NTRK3: variants seen among roughly 807,000 people sequenced by gnomAD.
NTRK3 encodes neurotrophic receptor tyrosine kinase 3, also known as NT-3 growth factor receptor.
NTRK3 carries 24 observed loss-of-function variants against 91.7 expected under a neutral mutation model. The ratio of observed to expected loss-of-function variants is 0.26; its 90% CI spans 0.19 to 0.37. The LOEUF (loss-of-function observed/expected upper bound fraction) is 0.37, where lower values mean the gene tolerates loss of function less well. NTRK3 is among the 10% of genes least tolerant of loss of function. The pLI is 1.00. For synonymous variants in NTRK3, 483 were observed against 404.0 expected, an observed-to-expected ratio of 1.20 and a Z score of -2.34; for missense variants, 880 against 1,068.9, an observed-to-expected ratio of 0.82 and a Z score of 2.46.
chr15:88,126,661 G>A (rs576349298), intron 12 of NTRK3, among the ~76,000 whole-genome samples: 10 of 152,268 alleles, frequency 6.6e-5, no homozygotes, highest in African/African-American at 2.4e-4. Context: ...GCCTAGAGAG[G>A]CGTCTGATTT....
At chr15:87,902,329 G>A (rs921317173) in intron 17 of NTRK3, among the ~76,000 whole-genome samples, 6 of 152,234 alleles carry the variant, frequency 3.9e-5, no homozygotes, top group African/African-American at 1.4e-4. Context: ...TGATGGCAAG[G>A]CCTCCCTGAC....
chr15:87,929,940 C>T (rs942714526), intron 16 of NTRK3, among the ~76,000 whole-genome samples: 1 of 152,180 alleles, frequency 6.6e-6, no homozygotes, highest in African/African-American at 2.4e-5. Context: ...GGATCTGAAA[C>T]CAGACATGTG....
intron 14 of NTRK3, among the ~76,000 whole-genome samples, chr15:87,964,177 T>C (rs2072573361): frequency 6.6e-6 from 1 of 152,114 alleles, no homozygotes; most frequent in African/African-American, 2.4e-5. Context: ...TTGGCTTAGA[T>C]ATAATTCATA....
At chr15:88,109,946 C>T (rs1276486902) in intron 13 of NTRK3, among the ~76,000 whole-genome samples, 1 of 152,172 alleles carries the variant, frequency 6.6e-6, no homozygotes, top group East Asian at 1.9e-4. Flanking sequence ...GGGGACTAAG[C>T]TAATTGCTTT....
intron 14 of NTRK3, among the ~76,000 whole-genome samples, chr15:88,017,982 G>A (rs986202401): frequency 6.6e-6 from 1 of 152,172 alleles, no homozygotes; most frequent in East Asian, 1.9e-4. Flanking sequence ...TAGGTCTGGG[G>A]ACAGAAGCTT....
chr15:88,088,818 T>C (rs894865572), intron 13 of NTRK3, among the ~76,000 whole-genome samples: 5 of 152,146 alleles, frequency 3.3e-5, no homozygotes, highest in African/African-American at 4.8e-5. Context: ...ATGAAGGTAT[T>C]ACACAGGGCT....
intron 5 of NTRK3, among the ~76,000 whole-genome samples, chr15:88,178,113 A>G (rs2046159592): frequency 6.6e-6 from 1 of 152,232 alleles, no homozygotes; most frequent in Non-Finnish European, 1.5e-5. Context: ...CTTGTGGAGA[A>G]GCAGTGAGGG....
Position 87,996,670 on chromosome 15 carries a change from T to C in NTRK3, c.1585+36187A>G, listed in dbSNP as rs575505203. Among the ~76,000 whole-genome samples the C allele has an allele frequency of 7.2e-4, 110 of 152,286 alleles. 2 individuals carry two copies. The highest frequency in any genetic ancestry group is 7.2e-3 in the Admixed American group (110 of 15,298). ...ATGCTTGAACTATGAATTAGAAACC[T>C]CATGCCCTTGACTTTATTTCATCAG... On this transcript the variant is annotated intron_variant, in intron 14 of 18. Coordinates refer to ENST00000394480, the Ensembl canonical transcript of NTRK3.
chr15:87,896,738 C>T (rs2066147952), intron 17 of NTRK3, among the ~76,000 whole-genome samples: 1 of 152,080 alleles, frequency 6.6e-6, no homozygotes, highest in African/African-American at 2.4e-5. Context: ...TCTGTGGCCT[C>T]GCCCCAGTTA....
At chr15:88,074,048 G>A (rs999388897) in intron 13 of NTRK3, among the ~76,000 whole-genome samples, 19 of 152,266 alleles carry the variant, frequency 1.2e-4, no homozygotes, top group African/African-American at 3.6e-4. Flanking sequence ...CTGTCTCTCC[G>A]GAATATGCAG....
chr15:87,981,204 G>C (rs2074235399), intron 14 of NTRK3: 1 of 1,559,108 alleles, frequency 6.4e-7, no homozygotes, highest in Non-Finnish European at 8.7e-7. Flanking sequence ...TGCATACAAA[G>C]ACGTCAAAGG....
At chr15:88,216,585 G>A (rs2049793001) in intron 3 of NTRK3, among the ~76,000 whole-genome samples, 2 of 152,194 alleles carry the variant, frequency 1.3e-5, no homozygotes, top group African/African-American at 4.8e-5. Flanking sequence ...GCCAGTGGGA[G>A]AGCTGTCTCT....
intron 3 of NTRK3, among the ~76,000 whole-genome samples, chr15:88,239,881 C>G (rs2052158479): frequency 6.6e-6 from 1 of 152,184 alleles, no homozygotes; most frequent in Admixed American, 6.5e-5. Context: ...TGGTCCTGGA[C>G]TCGATGCGAA....
chr15:88,091,655 T>C (rs1338717152), intron 13 of NTRK3, among the ~76,000 whole-genome samples: 1 of 152,164 alleles, frequency 6.6e-6, no homozygotes, highest in Non-Finnish European at 1.5e-5. Flanking sequence ...ATGTCTGTCA[T>C]GGGCACAAGA....
In NTRK3 at chr15:87,922,713, G is replaced by A. The variant is rs142767105; in HGVS notation, c.2133+6478C>T. 1.6e-3 allele frequency among the ~76,000 whole-genome samples: 241 copies of A among 152,228 alleles called. 1 individual carries two copies. The highest frequency in any genetic ancestry group is 8.7e-3 in the East Asian group (45 of 5,178). On this transcript the variant is annotated intron_variant, in intron 17 of 18. Coordinates refer to ENST00000394480, the Ensembl canonical transcript of NTRK3. ...AACCCTTCTTTAGAAAATACTGGAC[G>A]GCTTCAGTTAGAATTTCGACATATT...
intron 5 of NTRK3, among the ~76,000 whole-genome samples, chr15:88,182,113 G>A (rs900819468): frequency 6.6e-6 from 1 of 152,134 alleles, no homozygotes; most frequent in Non-Finnish European, 1.5e-5. Context: ...GCAGCTGAAA[G>A]GGAGGTCTCA....
chr15:88,198,832 C>G (rs1245877531), intron 3 of NTRK3, among the ~76,000 whole-genome samples: 1 of 151,934 alleles, frequency 6.6e-6, no homozygotes, highest in African/African-American at 2.4e-5. Flanking sequence ...TGCCAAGGGC[C>G]CAAGAAGCAC....
intron 14 of NTRK3, among the ~76,000 whole-genome samples, chr15:87,985,835 T>G (rs1469669143): frequency 6.6e-6 from 1 of 151,984 alleles, no homozygotes; most frequent in Non-Finnish European, 1.5e-5. Flanking sequence ...TCACAGCTTG[T>G]CCCTGATGAG....
At chr15:87,929,778 C>T (rs2068633501) in intron 16 of NTRK3, among the ~76,000 whole-genome samples, 1 of 152,162 alleles carries the variant, frequency 6.6e-6, no homozygotes, top group East Asian at 1.9e-4. Flanking sequence ...TCTGCCATAG[C>T]CCTTACTATA....
Sources: gnomAD v4.1 joint callset for allele counts (sites outside exome capture counted in the v4.1 genomes callset) on GRCh38, gnomAD v4.1.1 for gene constraint, MANE v1.5 for transcripts, NCBI Gene and HGNC (gene_info 2026-07-23, HGNC 2026-07-21) for gene names.